EIF4G3: variants seen among roughly 807,000 people sequenced by gnomAD.
EIF4G3 encodes the protein eukaryotic translation initiation factor 4 gamma 3.
A neutral mutation model predicts 186.4 loss-of-function variants in EIF4G3; 34 were observed. The ratio of observed to expected loss-of-function variants is 0.18; its 90% CI spans 0.14 to 0.24. EIF4G3 has a LOEUF of 0.24. Ranked by LOEUF, EIF4G3 falls within the 10% of genes least tolerant of loss-of-function variation. The pLI is 1.00. For missense variants in EIF4G3, 1,536 were observed against 1,948.5 expected, an observed-to-expected ratio of 0.79 and a Z score of 3.99; for synonymous variants, 673 against 679.5, an observed-to-expected ratio of 0.99 and a Z score of 0.15.
At chr1:20,872,633 A>C (rs552860014) in intron 20 of EIF4G3, among the ~76,000 whole-genome samples, 9 of 151,548 alleles carry the variant, frequency 5.9e-5, no homozygotes, top group Non-Finnish European at 1.0e-4. Flanking sequence ...GCTCCACTTA[A>C]ATTTCCTTCC....
intron 19 of EIF4G3, among the ~76,000 whole-genome samples, chr1:20,881,666 A>G (rs1183913217): frequency 6.6e-6 from 1 of 151,952 alleles, no homozygotes; most frequent in African/African-American, 2.4e-5. Flanking sequence ...ACGCACCTGT[A>G]GTTCCAGCTA....
At chr1:21,064,038 C>G (rs1173917506) in intron 3 of EIF4G3, among the ~76,000 whole-genome samples, 1 of 152,052 alleles carries the variant, frequency 6.6e-6, no homozygotes, top group East Asian at 1.9e-4. Flanking sequence ...TCCTGTCATA[C>G]TTTTCTCTGT....
At chr1:21,176,101 TC>T in intron 2 of EIF4G3, 73 bp downstream of exon 2, 5 of 280,224 alleles carry the variant, frequency 1.8e-5, no homozygotes, top group East Asian at 6.3e-5. Flanking sequence ...GGCAGGAGGG[TC>T]CCCTGGGCTG....
intron 3 of EIF4G3, among the ~76,000 whole-genome samples, chr1:21,083,153 T>C (rs1572264637): frequency 6.6e-6 from 1 of 150,480 alleles, no homozygotes; most frequent in South Asian, 2.1e-4. Flanking sequence ...ATGTAGGAGG[T>C]TCACTTGAAC....
intron 2 of EIF4G3, among the ~76,000 whole-genome samples, chr1:21,146,325 T>C (rs1265336405): frequency 2.0e-5 from 3 of 152,210 alleles, no homozygotes; most frequent in Non-Finnish European, 4.4e-5. Flanking sequence ...GCTACACCAC[T>C]GAATTCCTGC....
intron 2 of EIF4G3, among the ~76,000 whole-genome samples, chr1:21,155,283 A>AAG (rs2097635839): frequency 1.3e-5 from 2 of 150,440 alleles, no homozygotes; most frequent in African/African-American, 4.9e-5. Flanking sequence ...AAAAAAAAAA[A>AAG]AAAGAAAGAA....
intron 4 of EIF4G3, among the ~76,000 whole-genome samples, chr1:21,026,616 A>C (rs552266648): frequency 1.3e-5 from 2 of 152,270 alleles, no homozygotes; most frequent in East Asian, 3.9e-4. Context: ...GGCAACCTAC[A>C]GAAGAAGAGA....
intron 12 of EIF4G3, among the ~76,000 whole-genome samples, chr1:20,958,155 T>C (rs1371665129): frequency 1.3e-5 from 2 of 152,088 alleles, no homozygotes; most frequent in African/African-American, 4.8e-5. Context: ...GTCAACAAAA[T>C]ACTAGCTAAC....
intron 2 of EIF4G3, among the ~76,000 whole-genome samples, chr1:21,109,677 A>T (rs1318364127): frequency 6.6e-6 from 1 of 152,196 alleles, no homozygotes; most frequent in East Asian, 1.9e-4. Flanking sequence ...TAATGTAAGG[A>T]ACAGAGGAAG....
At chr1:21,092,612 C>G (rs534582931) in intron 2 of EIF4G3, among the ~76,000 whole-genome samples, 1 of 152,022 alleles carries the variant, frequency 6.6e-6, no homozygotes, top group Non-Finnish European at 1.5e-5. Flanking sequence ...TAAAGTTCAT[C>G]TGGAACCAAA....
At position 20,897,143 on chromosome 1, in the gene EIF4G3, T is replaced by C. The variant is rs946487527; in HGVS notation, c.2000-1642A>G. Among the ~76,000 whole-genome samples the C allele has an allele frequency of 1.2e-4, 19 of 152,102 alleles. 1 individual carries two copies. Among genetic ancestry groups the C allele is most frequent in the Admixed American group, 5.2e-4 (8 of 15,272 alleles). ...AACAATGAAATACAGTCAGAAAATA[T>C]GTAAAGATTTTAAACCATCACTTGT... On this transcript the variant is annotated intron_variant, in intron 16 of 36. Transcript: ENST00000602326.
rs765674805 is a variant in EIF4G3, at chr1:20,895,461, A to G, written c.2040T>C (p.Tyr680=). The G allele has an allele frequency of 5.0e-6, 8 of 1,614,070 alleles. No homozygotes were observed. In the East Asian group the frequency reaches 1.8e-4, roughly 36 times the overall value. ...KPTDTEGKKQ[Y]DREFLLDFQF... Reference sequence around the variant, plus strand: ...GGAAGTCCAGCAGAAACTCCCTGTCATACTGCTTCTTACCTTCAGTATCAG... The same window carrying G: ...GGAAGTCCAGCAGAAACTCCCTGTCGTACTGCTTCTTACCTTCAGTATCAG... Residue 680 remains tyrosine (Y), a synonymous_variant, in exon 17 of 37, where the codon TAT becomes TAC. Coordinates refer to ENST00000602326, the MANE Select transcript of EIF4G3 (RefSeq NM_001391906.1).
intron 14 of EIF4G3, among the ~76,000 whole-genome samples, chr1:20,920,231 T>C (rs1382439201): frequency 6.6e-6 from 1 of 152,204 alleles, no homozygotes; most frequent in Admixed American, 6.5e-5. Context: ...ACAAATAAAA[T>C]TGATAGTGAC....
intron 2 of EIF4G3, among the ~76,000 whole-genome samples, chr1:21,140,222 C>A (rs957848819): frequency 2.6e-5 from 4 of 152,124 alleles, no homozygotes; most frequent in African/African-American, 9.7e-5. Flanking sequence ...TTTCCAATTG[C>A]AAAGAAGGCA....
intron 20 of EIF4G3, among the ~76,000 whole-genome samples, chr1:20,868,661 T>C (rs1269029787): frequency 2.0e-5 from 3 of 152,250 alleles, no homozygotes; most frequent in African/African-American, 4.8e-5. Flanking sequence ...AGGATCTATT[T>C]AGACAACTGC....
intron 10 of EIF4G3, among the ~76,000 whole-genome samples, chr1:20,975,158 AT>A (rs2076607379): frequency 6.6e-6 from 1 of 152,150 alleles, no homozygotes. Flanking sequence ...CAAAAAAAAA[AT>A]CTCAGTCATC....
At chr1:21,036,028 C>T (rs1357804230) in intron 4 of EIF4G3, among the ~76,000 whole-genome samples, 1 of 151,752 alleles carries the variant, frequency 6.6e-6, no homozygotes, top group Non-Finnish European at 1.5e-5. Flanking sequence ...CTGCTGAGAG[C>T]TGCAAACACT....
At chr1:20,972,765 T>C (rs778651102) in intron 11 of EIF4G3, among the ~76,000 whole-genome samples, 6 of 152,176 alleles carry the variant, frequency 3.9e-5, no homozygotes, top group Non-Finnish European at 7.3e-5. Flanking sequence ...CATGTTGTCA[T>C]GTAGCAAACC....
chr1:21,113,255 G>T (rs556203795), intron 2 of EIF4G3, among the ~76,000 whole-genome samples: 7 of 150,490 alleles, frequency 4.7e-5, no homozygotes, highest in African/African-American at 1.5e-4. Flanking sequence ...CTGGTTTAAT[G>T]GTAGACCAGC....
Sources: allele counts gnomAD v4.1 joint callset (sites outside exome capture counted in the v4.1 genomes callset), GRCh38; gene constraint gnomAD v4.1.1; transcripts MANE v1.5; gene names NCBI Gene and HGNC (gene_info 2026-07-23, HGNC 2026-07-21).